The following RBM47 variants were observed in gnomAD, a reference collection of about 807,000 sequenced individuals.
RBM47 encodes RNA-binding protein 47.
A neutral mutation model predicts 47.1 loss-of-function variants in RBM47; 21 were observed. The ratio of observed to expected loss-of-function variants is 0.45; its 90% CI spans 0.32 to 0.64. The LOEUF (loss-of-function observed/expected upper bound fraction) is 0.64, where lower values mean the gene tolerates loss of function less well. Among genes scored for constraint, RBM47 ranks in the 30% least tolerant of loss-of-function variants. The pLI is 0.05. For missense variants in RBM47, 708 were observed against 870.9 expected (o/e 0.81, Z 2.35); for synonymous variants, 375 against 361.7 (o/e 1.04, Z -0.42).
intron 1 of RBM47, among the ~76,000 whole-genome samples, chr4:40,574,618 G>A (rs1347866228): frequency 6.6e-6 from 1 of 152,226 alleles, no homozygotes; most frequent in Admixed American, 6.5e-5. Flanking sequence ...GGGAAGCTGA[G>A]GTGGGCAGAT....
At chr4:40,481,708 T>C (rs1720453447) in intron 2 of RBM47, among the ~76,000 whole-genome samples, 1 of 152,032 alleles carries the variant, frequency 6.6e-6, no homozygotes, top group African/African-American at 2.4e-5. Context: ...TGCGCCACCA[T>C]GCCCAGCTAA....
intron 5 of RBM47, among the ~76,000 whole-genome samples, chr4:40,435,267 G>C (rs1712142383): frequency 6.6e-6 from 1 of 152,160 alleles, no homozygotes; most frequent in African/African-American, 2.4e-5. Flanking sequence ...TTTCAGCAAA[G>C]GCCAGGTGCA....
intron 1 of RBM47, among the ~76,000 whole-genome samples, chr4:40,549,960 G>A (rs1479024232): frequency 6.6e-6 from 1 of 152,106 alleles, no homozygotes; most frequent in African/African-American, 2.4e-5. Flanking sequence ...GTGAGCCACC[G>A]TGCGCAGTAA....
intron 2 of RBM47, among the ~76,000 whole-genome samples, chr4:40,517,221 A>C (rs1222777944): frequency 6.7e-6 from 1 of 148,566 alleles, no homozygotes; most frequent in Non-Finnish European, 1.5e-5. Context: ...TGCAACCTCC[A>C]CCTCCCAGAT....
Position 40,510,959 on chromosome 4 carries a change from G to A in RBM47, c.-155+33463C>T, listed in dbSNP as rs184241884. On this transcript the variant is annotated intron_variant, in intron 2 of 6. Transcript: ENST00000295971. ...GAGTGAGGTACTAATAGAATTTATGGCATTAATTTTGGCTGCTGTGGGGGC... is the reference window on the plus strand; with the variant it reads ...GAGTGAGGTACTAATAGAATTTATGACATTAATTTTGGCTGCTGTGGGGGC... Among the ~76,000 whole-genome samples the A allele has an allele frequency of 2.6e-5, 4 of 152,220 alleles. No individual in the cohort carries two copies. The East Asian group carries it at 7.7e-4, about 29-fold the overall frequency.
intron 2 of RBM47, among the ~76,000 whole-genome samples, chr4:40,537,595 C>T (rs2154261019): frequency 6.6e-6 from 1 of 152,226 alleles, no homozygotes; most frequent in Middle Eastern, 3.4e-3. Context: ...CACTGTGTTG[C>T]CCAGGCTGAT....
At chr4:40,550,030 C>G (rs865856233) in intron 1 of RBM47, among the ~76,000 whole-genome samples, 2 of 152,132 alleles carry the variant, frequency 1.3e-5, no homozygotes, top group Admixed American at 1.3e-4. Context: ...AATGATTGTT[C>G]AGTTAATGAC....
rs1727064304 is a variant in RBM47 at position 40,528,954 on chromosome 4, AAAT to A, written c.-155+15465_-155+15467del. Among the ~76,000 whole-genome samples the A allele has an allele frequency of 1.4e-4, 14 of 103,664 alleles. No homozygotes were observed. In the East Asian group the frequency reaches 2.8e-3, roughly 21 times the overall value. 68.0% of individuals were successfully genotyped at this position (103,664 alleles called of 152,430 possible). On this transcript the variant is annotated intron_variant, in intron 2 of 6. Coordinates refer to ENST00000295971, the MANE Select transcript of RBM47 (RefSeq NM_001098634.2). Reference sequence around the variant, plus strand: ...CGAGACTCCGTCTCAAAAAAAAAATAAATAAATAAATAAATAAATAAATAAATA... The same window carrying A: ...CGAGACTCCGTCTCAAAAAAAAAATAAAATAAATAAATAAATAAATAAATA...
rs113535009 is a variant in RBM47 at position 40,519,859 on chromosome 4, G to A, written c.-155+24563C>T. ...TAATTTTTGTATTTTTAGTAGAGAC[G>A]GGGTTTCACCATGTTGGCCAGGATG... On this transcript the variant is annotated intron_variant, in intron 2 of 6. Coordinates refer to ENST00000295971, the MANE Select transcript of RBM47 (RefSeq NM_001098634.2). Among the ~76,000 whole-genome samples the A allele has an allele frequency of 7.9e-3, 1,194 of 151,736 alleles. 16 individuals carry two copies. The highest frequency in any genetic ancestry group is 0.027 in the African/African-American group (1,114 of 41,388).
chr4:40,477,463 A>T (rs1719784077), intron 2 of RBM47, among the ~76,000 whole-genome samples: 1 of 152,180 alleles, frequency 6.6e-6, no homozygotes, highest in Non-Finnish European at 1.5e-5. Context: ...AAATCTACTG[A>T]TTTCAGACAA....
At chr4:40,488,682 G>A (rs1721459065) in intron 2 of RBM47, among the ~76,000 whole-genome samples, 1 of 152,126 alleles carries the variant, frequency 6.6e-6, no homozygotes, top group African/African-American at 2.4e-5. Flanking sequence ...GTTCATAGAT[G>A]GTTGGCAAAG....
intron 2 of RBM47, among the ~76,000 whole-genome samples, chr4:40,521,810 G>A (rs1254746032): frequency 6.6e-6 from 1 of 152,102 alleles, no homozygotes; most frequent in Non-Finnish European, 1.5e-5. Context: ...GGGGGAACCT[G>A]GCTAACTCTG....
chr4:40,611,038 G>T (rs1208081038), intron 1 of RBM47, among the ~76,000 whole-genome samples: 1 of 152,142 alleles, frequency 6.6e-6, no homozygotes, highest in Non-Finnish European at 1.5e-5. Context: ...TATTAAGTAT[G>T]TTAAAAGTCT....
chr4:40,560,054 T>C (rs1730462391), intron 1 of RBM47, among the ~76,000 whole-genome samples: 1 of 152,194 alleles, frequency 6.6e-6, no homozygotes, highest in Non-Finnish European at 1.5e-5. Context: ...TATTTTTCCA[T>C]CCTGACCCTG....
At chr4:40,452,642 C>T (rs1004028528) in intron 3 of RBM47, among the ~76,000 whole-genome samples, 1 of 151,868 alleles carries the variant, frequency 6.6e-6, no homozygotes, top group Non-Finnish European at 1.5e-5. Flanking sequence ...TCAAATCTAC[C>T]GTCTATTATA....
At chr4:40,490,161 A>G (rs1372491494) in intron 2 of RBM47, among the ~76,000 whole-genome samples, 1 of 152,188 alleles carries the variant, frequency 6.6e-6, no homozygotes, top group African/African-American at 2.4e-5. Context: ...CAAAAAACCC[A>G]TGACTAATAC....
intron 1 of RBM47, among the ~76,000 whole-genome samples, chr4:40,570,044 TGA>T (rs1470057765): frequency 4.6e-5 from 7 of 151,926 alleles, no homozygotes; most frequent in Admixed American, 1.3e-4. Flanking sequence ...CATAAACTAA[TGA>T]GTGAGAGAGT....
chr4:40,498,017 C>T (rs1481149976), intron 2 of RBM47, among the ~76,000 whole-genome samples: 1 of 135,688 alleles, frequency 7.4e-6, no homozygotes, highest in African/African-American at 2.7e-5. Context: ...CCAAAGTAAG[C>T]CTCCTTTATT....
intron 2 of RBM47, among the ~76,000 whole-genome samples, chr4:40,513,030 T>C (rs1273970912): frequency 1.3e-5 from 2 of 152,192 alleles, no homozygotes; most frequent in Admixed American, 6.5e-5. Flanking sequence ...GATATGCATA[T>C]AAAAAGATAT....
Sources: gnomAD v4.1 joint callset for allele counts (sites outside exome capture counted in the v4.1 genomes callset) on GRCh38, gnomAD v4.1.1 for gene constraint, MANE v1.5 for transcripts, NCBI Gene and HGNC (gene_info 2026-07-23, HGNC 2026-07-21) for gene names.